Variants in ANKRD31 observed in about 807,000 individuals in gnomAD.
ANKRD31 encodes ankyrin repeat domain 31, also known as ankyrin repeat domain-containing protein 31.
Under a neutral mutation model 186.0 loss-of-function variants are expected in ANKRD31, and 147 were observed. The ratio of observed to expected loss-of-function variants is 0.79; its 90% CI spans 0.69 to 0.91. The LOEUF (loss-of-function observed/expected upper bound fraction) is 0.91, where lower values mean the gene tolerates loss of function less well. Ranked by LOEUF, ANKRD31 falls within the 40% of genes least tolerant of loss-of-function variation. The pLI is 0.00. For missense variants in ANKRD31, 1,986 were observed against 2,148.8 expected, an observed-to-expected ratio of 0.92 and a Z score of 1.50; for synonymous variants, 673 against 736.4, an observed-to-expected ratio of 0.91 and a Z score of 1.39.
At chr5:75,134,266 A>G (rs10260997) in intron 17 of ANKRD31, among the ~76,000 whole-genome samples, 1 of 152,202 alleles carries the variant, frequency 6.6e-6, no homozygotes, top group African/African-American at 2.4e-5. Context: ...ATATACCACT[A>G]GGAAAACTAA....
intron 22 of ANKRD31, among the ~76,000 whole-genome samples, chr5:75,097,732 C>A (rs1200409533): frequency 6.6e-6 from 1 of 152,150 alleles, no homozygotes; most frequent in Non-Finnish European, 1.5e-5. Context: ...AGTCCTTGCC[C>A]ATGCCTATGT....
intron 25 of ANKRD31, among the ~76,000 whole-genome samples, chr5:75,077,598 G>T (rs1037866162): frequency 2.6e-5 from 4 of 151,840 alleles, no homozygotes; most frequent in South Asian, 4.2e-4. Flanking sequence ...TTGTGTATTT[G>T]GTTGTACAAA....
At chr5:75,079,704 G>T (rs370647049) in intron 25 of ANKRD31, among the ~76,000 whole-genome samples, 308 of 152,248 alleles carry the variant, frequency 2.0e-3, no homozygotes, top group African/African-American at 7.2e-3. Context: ...TTCAGCTCCT[G>T]ACCACAGGTG....
chr5:75,187,499 C>T (rs968983994), intron 10 of ANKRD31, among the ~76,000 whole-genome samples: 5 of 151,522 alleles, frequency 3.3e-5, no homozygotes, highest in African/African-American at 9.7e-5. Flanking sequence ...TTAAGAGAGG[C>T]TTGAGAAATC....
chr5:75,229,370 G>A (rs936870962), intron 2 of ANKRD31, among the ~76,000 whole-genome samples: 5 of 152,140 alleles, frequency 3.3e-5, no homozygotes, highest in African/African-American at 9.7e-5. Flanking sequence ...AGATTTGGAA[G>A]AGGAAAAAGG....
At chr5:75,203,673 A>AAAAAGAAAAGAAAAG (rs1554092025) in intron 5 of ANKRD31, among the ~76,000 whole-genome samples, 1 of 148,330 alleles carries the variant, frequency 6.7e-6, no homozygotes, top group East Asian at 2.0e-4. Context: ...AAAAAAAAAA[A>AAAAAGAAAAGAAAAG]AAAAGAAAAG....
In ANKRD31 at chr5:75,105,134, C is replaced by T. The variant is rs1272389425; in HGVS notation, c.4425G>A (p.Val1475=). ...GGCTTATTTTTTTCTGTTTTTTTGC[C>T]ACAACTAAAAGGCTCTTCTGTCTTG... ...LAARQKSLLV[V]AKKQKKISLK... Residue 1475 remains valine (V), a synonymous_variant, in exon 22 of 26, where the codon GTG becomes GTA. Coordinates refer to ENST00000506364, the MANE Select transcript of ANKRD31 (RefSeq NM_001372053.1). 1.3e-6 allele frequency: 2 copies of T among 1,536,584 alleles called. No individual in the cohort carries two copies. Among genetic ancestry groups the T allele is most frequent in the African/African-American group, 2.7e-5 (2 of 72,932 alleles).
At chr5:75,152,967 T>C (rs906529164) in intron 12 of ANKRD31, among the ~76,000 whole-genome samples, 2 of 152,032 alleles carry the variant, frequency 1.3e-5, no homozygotes, top group South Asian at 2.1e-4. Context: ...CCAGACTCAG[T>C]GACTCACTTC....
intron 10 of ANKRD31, among the ~76,000 whole-genome samples, chr5:75,169,387 A>C (rs1014472750): frequency 2.6e-5 from 4 of 152,166 alleles, no homozygotes; most frequent in Admixed American, 6.5e-5. Flanking sequence ...GACCTCTCCA[A>C]ATAAATAGGC....
intron 11 of ANKRD31, among the ~76,000 whole-genome samples, chr5:75,163,579 G>A (rs1204186747): frequency 6.6e-6 from 1 of 152,176 alleles, no homozygotes; most frequent in Non-Finnish European, 1.5e-5. Context: ...AATCAGGTGT[G>A]AAATTTTTCA....
chr5:75,098,730 T>A lies in ANKRD31; in HGVS notation c.5331+5498A>T, dbSNP rs1370705597. ...AGTTCACTCATGATTTGGCTCTCTGTTTGTCTGTTGTTGGTGTATAGAAAT... is the reference window on the plus strand; with the variant it reads ...AGTTCACTCATGATTTGGCTCTCTGATTGTCTGTTGTTGGTGTATAGAAAT... On this transcript the variant is annotated intron_variant, in intron 22 of 25. Coordinates refer to ENST00000506364, the MANE Select transcript of ANKRD31 (RefSeq NM_001372053.1). 1.2e-4 allele frequency among the ~76,000 whole-genome samples: 18 copies of A among 152,348 alleles called. 1 individual carries two copies. In the South Asian group the frequency reaches 3.3e-3, roughly 28 times the overall value.
At chr5:75,154,666 C>T (rs1402344376) in intron 11 of ANKRD31, among the ~76,000 whole-genome samples, 1 of 152,010 alleles carries the variant, frequency 6.6e-6, no homozygotes, top group Non-Finnish European at 1.5e-5. Flanking sequence ...GGCAGAAAGG[C>T]AGGAGGCAAG....
At chr5:75,092,422 C>T (rs938839783) in intron 22 of ANKRD31, among the ~76,000 whole-genome samples, 13 of 152,104 alleles carry the variant, frequency 8.5e-5, no homozygotes, top group Non-Finnish European at 1.8e-4. Flanking sequence ...ATTTGTCCCC[C>T]TAGGACATTG....
intron 10 of ANKRD31, among the ~76,000 whole-genome samples, chr5:75,172,658 G>A (rs1003051142): frequency 2.0e-5 from 3 of 152,172 alleles, no homozygotes; most frequent in Middle Eastern, 3.4e-3. Context: ...TAAATTCCTC[G>A]ACACATACAC....
At chr5:75,094,841 A>C (rs1435033724) in intron 22 of ANKRD31, among the ~76,000 whole-genome samples, 1 of 152,144 alleles carries the variant, frequency 6.6e-6, no homozygotes, top group Non-Finnish European at 1.5e-5. Flanking sequence ...GAGGACAGAA[A>C]AAGTATATCA....
intron 3 of ANKRD31, among the ~76,000 whole-genome samples, chr5:75,214,817 C>G (rs1190240937): frequency 6.6e-6 from 1 of 152,164 alleles, no homozygotes; most frequent in Non-Finnish European, 1.5e-5. Context: ...TTGTACAATT[C>G]AATTAATCTT....
chr5:75,076,883 T>C (rs1456214417), intron 25 of ANKRD31, among the ~76,000 whole-genome samples: 1 of 152,164 alleles, frequency 6.6e-6, no homozygotes, highest in African/African-American at 2.4e-5. Flanking sequence ...CAATTCTGGA[T>C]CAGAAATATA....
intron 1 of ANKRD31, among the ~76,000 whole-genome samples, chr5:75,235,224 A>C (rs1161246151): frequency 6.7e-6 from 1 of 149,662 alleles, no homozygotes; most frequent in Non-Finnish European, 1.5e-5. Flanking sequence ...CTAGTTCAAC[A>C]GAAAGTCTTG....
At chr5:75,190,173 C>T (rs1176993611) in intron 9 of ANKRD31, among the ~76,000 whole-genome samples, 5 of 151,974 alleles carry the variant, frequency 3.3e-5, no homozygotes, top group African/African-American at 1.2e-4. Flanking sequence ...GCACATACCA[C>T]CATGCCCAGC....
Sources: allele counts gnomAD v4.1 joint callset (sites outside exome capture counted in the v4.1 genomes callset), GRCh38; gene constraint gnomAD v4.1.1; transcripts MANE v1.5; gene names NCBI Gene and HGNC (gene_info 2026-07-23, HGNC 2026-07-21).